MYH7B: variants seen among roughly 807,000 people sequenced by gnomAD.
MYH7B encodes the protein myosin-7B.
Under a neutral mutation model 234.5 loss-of-function variants are expected in MYH7B, and 205 were observed. The observed-to-expected ratio is 0.87, with a 90% confidence interval of 0.78 to 0.98. MYH7B has a LOEUF of 0.98. Among genes scored for constraint, MYH7B ranks in the 50% least tolerant of loss-of-function variants. The pLI, the probability that MYH7B is intolerant of heterozygous loss-of-function variation, is 0.00. For missense variants in MYH7B, 2,652 were observed against 2,633.4 expected, an observed-to-expected ratio of 1.01 and a Z score of -0.15; for synonymous variants, 1,193 against 1,105.0, an observed-to-expected ratio of 1.08 and a Z score of -1.58.
chr20:34,996,688 C>T (rs527306182), exon 30 of MYH7B: 6 of 1,613,628 alleles, frequency 3.7e-6, no homozygotes, highest in African/African-American at 1.3e-5. Context: ...GGAGGGTGAC[C>T]TGAAGCTGAC....
chr20:34,981,518 A>G (rs930611063), intron 9 of MYH7B: 3 of 196,226 alleles, frequency 1.5e-5, no homozygotes, highest in African/African-American at 7.2e-5. Flanking sequence ...CAATATGGAC[A>G]ATGTTTAGTG....
At chr20:34,987,501 G>GC in intron 16 of MYH7B, 56 bp from the exon 17 acceptor site, 1 of 1,490,862 alleles carries the variant, frequency 6.7e-7, no homozygotes, top group Non-Finnish European at 9.2e-7. Context: ...AGGCAGTAGA[G>GC]CCCCTGAGTG....
intron 24 of MYH7B, among the ~76,000 whole-genome samples, chr20:34,991,968 A>G (rs1398252215): frequency 1.3e-5 from 2 of 152,100 alleles, no homozygotes; most frequent in Non-Finnish European, 2.9e-5. Context: ...TGCTTTGTTT[A>G]ATGAGTCCCC....
At chr20:34,961,398 A>G (rs1349660543) in intron 2 of MYH7B, among the ~76,000 whole-genome samples, 1 of 152,168 alleles carries the variant, frequency 6.6e-6, no homozygotes, top group African/African-American at 2.4e-5. Flanking sequence ...GCTAATATAA[A>G]GACCTTTTTG....
chr20:34,961,610 C>T (rs2081698391), intron 2 of MYH7B, among the ~76,000 whole-genome samples: 2 of 152,166 alleles, frequency 1.3e-5, no homozygotes, highest in Non-Finnish European at 2.9e-5. Context: ...TTTTCATCAC[C>T]ACAGAAAGAA....
intron 3 of MYH7B, among the ~76,000 whole-genome samples, chr20:34,976,015 C>T (rs969357238): frequency 1.2e-4 from 18 of 152,310 alleles, no homozygotes; most frequent in African/African-American, 3.6e-4. Context: ...TGCGCTTGGC[C>T]GGCACTGTAA....
chr20:35,002,201 C>T, exon 45 of MYH7B: 1 of 1,524,170 alleles, frequency 6.6e-7, no homozygotes, highest in Non-Finnish European at 8.8e-7. Flanking sequence ...GCCTGACCCC[C>T]TGGGCTCTAA....
At chr20:34,957,889 G>C (rs1222037812) in intron 1 of MYH7B, among the ~76,000 whole-genome samples, 3 of 152,192 alleles carry the variant, frequency 2.0e-5, no homozygotes, top group African/African-American at 7.2e-5. Context: ...GGGAGATGGT[G>C]GCAGATAGGT....
intron 19 of MYH7B, 135 bp from the exon 20 acceptor site, chr20:34,989,605 G>A: frequency 1.1e-6 from 1 of 876,806 alleles, no homozygotes; most frequent in South Asian, 1.8e-5. Context: ...TGTGGTGTCT[G>A]ACCATCCGGG....
At chr20:34,999,451 G>A in intron 36 of MYH7B, 46 bp downstream of exon 36, 1 of 1,518,872 alleles carries the variant, frequency 6.6e-7, no homozygotes, top group Non-Finnish European at 8.8e-7. Flanking sequence ...CCTGGGGTCG[G>A]AGCAACTTTG....
intron 2 of MYH7B, among the ~76,000 whole-genome samples, chr20:34,960,875 C>T (rs1385626726): frequency 6.6e-6 from 1 of 152,196 alleles, no homozygotes. Context: ...ATTTACACCC[C>T]CACAGTCATC....
At chr20:35,001,906 T>TCAGTCACC (rs1332757392) in intron 43 of MYH7B, 42 bp from the exon 44 acceptor site, 2 of 1,591,580 alleles carry the variant, frequency 1.3e-6, no homozygotes, top group Admixed American at 1.7e-5. Flanking sequence ...AATAAGCATC[T>TCAGTCACC]CAGTCACCCA....
At chr20:34,997,848 ATT>A (rs1247773742) in intron 32 of MYH7B, among the ~76,000 whole-genome samples, 1 of 151,994 alleles carries the variant, frequency 6.6e-6, no homozygotes, top group African/African-American at 2.4e-5. Context: ...ACTCCAGGTC[ATT>A]TCTGATCCAG....
At chr20:34,982,691 C>A in intron 10 of MYH7B, 136 bp downstream of exon 10, 1 of 747,756 alleles carries the variant, frequency 1.3e-6, no homozygotes, top group Non-Finnish European at 2.1e-6. Context: ...AGCCTCCCAC[C>A]CTGGTGGGGG....
intron 33 of MYH7B, 29 bp from the exon 34 acceptor site, chr20:34,998,482 G>C (rs1439166105): frequency 6.2e-7 from 1 of 1,612,336 alleles, no homozygotes; most frequent in Non-Finnish European, 8.5e-7. Flanking sequence ...TCACCAGCCT[G>C]ACCTGTCCGC....
At chr20:34,990,868 T>C (rs774971984) in intron 23 of MYH7B, 43 bp downstream of exon 23, 1 of 1,608,666 alleles carries the variant, frequency 6.2e-7, no homozygotes, top group Non-Finnish European at 8.5e-7. Flanking sequence ...GGAGGCATCA[T>C]GGGAAGGTGA....
intron 28 of MYH7B, 75 bp from the exon 29 acceptor site, chr20:34,996,271 C>G (rs2082254193): frequency 6.7e-7 from 1 of 1,502,362 alleles, no homozygotes; most frequent in Non-Finnish European, 8.9e-7. Context: ...GGCACTTGCT[C>G]TGACCTGGTG....
chr20:34,977,054 C>G (rs2081864383), intron 3 of MYH7B, among the ~76,000 whole-genome samples: 1 of 2,204 alleles, frequency 4.5e-4, no homozygotes, highest in African/African-American at 1.3e-3. Flanking sequence ...TCCCCCTACC[C>G]CTCCCCCCTC....
exon 39 of MYH7B, chr20:35,000,532 T>A: frequency 6.3e-7 from 1 of 1,590,534 alleles, no homozygotes; most frequent in Non-Finnish European, 8.5e-7. Context: ...GCAGCTGAGC[T>A]CCACGAGCAG....
Sources: allele counts gnomAD v4.1 joint callset (sites outside exome capture counted in the v4.1 genomes callset), GRCh38; gene constraint gnomAD v4.1.1; transcripts MANE v1.5; gene names NCBI Gene and HGNC (gene_info 2026-07-23, HGNC 2026-07-21).